The following ZNF462 variants were observed in gnomAD, a reference collection of about 807,000 sequenced individuals.
ZNF462 encodes zinc finger PBX1-interacting protein.
In ZNF462, 10 loss-of-function variants were observed where a neutral mutation model predicts 201.9. The observed-to-expected ratio is 0.05, with a 90% CI of 0.03 to 0.08. ZNF462 has a LOEUF of 0.08. Among genes scored for constraint, ZNF462 ranks in the 10% least tolerant of loss-of-function variants. The pLI, the probability that ZNF462 is intolerant of heterozygous loss-of-function variation, is 1.00. For synonymous variants in ZNF462, 1,227 were observed against 1,193.3 expected, an observed-to-expected ratio of 1.03 and a Z score of -0.58; for missense variants, 2,523 against 3,168.3, an observed-to-expected ratio of 0.80 and a Z score of 4.89.
chr9:106,981,265 A>C lies in ZNF462; in HGVS notation c.6833-2921A>C, dbSNP rs1009615399. 6.6e-6 allele frequency among the ~76,000 whole-genome samples: 1 copy of C among 152,240 alleles called. No homozygotes were observed. Among genetic ancestry groups the C allele is most frequent in the African/African-American group, 2.4e-5 (1 of 41,464 alleles). ...GAAGGTGCTTGAAAGACATTCAGAT[A>C]TAAAGGGTTACCTTAGAAATCTGTA... is the stretch of plus-strand genomic sequence containing the variant. On this transcript the variant is annotated intron_variant, in intron 9 of 12. Coordinates refer to ENST00000277225, the MANE Select transcript of ZNF462 (RefSeq NM_021224.6). The surrounding 1 kb of genome is among the most constrained non-coding windows in gnomAD (Gnocchi z 4.0).
At chr9:106,877,296 A>ATTTT (rs397893311) in intron 1 of ZNF462, among the ~76,000 whole-genome samples, 6 of 91,226 alleles carry the variant, frequency 6.6e-5, no homozygotes, top group South Asian at 3.9e-4. Context: ...ACTACTCATG[A>ATTTT]TTTTTTTTTT....
chr9:106,929,317 A>G lies in ZNF462; in HGVS notation c.5405A>G (p.Lys1802Arg), dbSNP rs1240376053. 1 of 1,614,186 alleles carries G rather than the reference A, an allele frequency of 6.2e-7. No homozygotes were observed. The highest frequency in any genetic ancestry group is 8.5e-7 in the Non-Finnish European group (1 of 1,180,036). ...GVFPKKQHASKLGGYFTAVYA... is the reference protein window; with the variant it reads ...GVFPKKQHASRLGGYFTAVYA... ...TTCCCAAAGAAGCAGCACGCCAGCAAGTTGGGGGGCTACTTCACGGCCGTC... is the reference window on the plus strand; with the variant it reads ...TTCCCAAAGAAGCAGCACGCCAGCAGGTTGGGGGGCTACTTCACGGCCGTC... The change falls in exon 3 of 13, where the codon AAG becomes AGG. Residue 1802 changes from lysine to arginine, a missense_variant. Coordinates refer to ENST00000277225, the MANE Select transcript of ZNF462 (RefSeq NM_021224.6). The surrounding 1 kb of genome is among the most constrained non-coding windows in gnomAD (Gnocchi z 8.7).
In ZNF462 at chr9:106,925,544, G is replaced by GCCA. The variant is rs754974115; in HGVS notation, c.1641_1643dup (p.Pro554dup). ...CCTTGCAGCAGCAACAGCCACCGCA[G>GCCA]CCACCACCACCGCCGCCGCCACCAC... On this transcript the variant is annotated inframe_insertion, in exon 3 of 13. Coordinates refer to ENST00000277225, the MANE Select transcript of ZNF462 (RefSeq NM_021224.6). The surrounding 1 kb of genome is among the most constrained non-coding windows in gnomAD (Gnocchi z 7.9). 3 of 1,612,914 alleles carry GCCA rather than the reference G, an allele frequency of 1.9e-6. No homozygotes were observed. The highest frequency in any genetic ancestry group is 2.7e-5 in the African/African-American group (2 of 74,818).
rs141903702 is a variant in ZNF462, at chr9:106,999,287, G to A, written c.7057-4007G>A. 1.3e-3 allele frequency among the ~76,000 whole-genome samples: 199 copies of A among 152,092 alleles called. 2 individuals carry two copies. The East Asian group carries it at 0.035, about 27-fold the overall frequency. On this transcript the variant is annotated intron_variant, in intron 10 of 12. Transcript: ENST00000277225. ...TTATTCAAATACCCACCAATCTCCG[G>A]GCCCAAAAAGTAGTGTAATCAGTTC...
chr9:107,007,142 A>G (rs972659168), intron 11 of ZNF462, among the ~76,000 whole-genome samples: 3 of 152,156 alleles, frequency 2.0e-5, no homozygotes, highest in Non-Finnish European at 4.4e-5. Flanking sequence ...GGATATTATT[A>G]TGGCTTTTTA....
At chr9:106,884,728 TTTTG>T (rs893272818) in intron 1 of ZNF462, among the ~76,000 whole-genome samples, 13 of 152,320 alleles carry the variant, frequency 8.5e-5, no homozygotes, top group South Asian at 2.1e-4. Flanking sequence ...TTTTTGGTTT[TTTTG>T]TTTGTTTGTT....
intron 9 of ZNF462, among the ~76,000 whole-genome samples, chr9:106,982,512 A>G (rs896054681): frequency 6.6e-6 from 1 of 152,218 alleles, no homozygotes; most frequent in Non-Finnish European, 1.5e-5. Context: ...ACACCAAACC[A>G]TACAACTGAA....
chr9:106,944,377 T>C (rs895553471), intron 7 of ZNF462, among the ~76,000 whole-genome samples: 3 of 152,206 alleles, frequency 2.0e-5, no homozygotes, highest in Non-Finnish European at 4.4e-5. Flanking sequence ...AAGAGACTCA[T>C]TTGGTGAGAC....
intron 10 of ZNF462, among the ~76,000 whole-genome samples, chr9:106,992,996 G>T (rs2132441192): frequency 6.6e-6 from 1 of 152,204 alleles, no homozygotes; most frequent in Middle Eastern, 3.4e-3. Context: ...AATAGACTTA[G>T]CAATTGGTTC....
Position 106,952,883 on chromosome 9 carries a change from G to A in ZNF462, c.6427+13776G>A, listed in dbSNP as rs76007388. 6.4e-3 allele frequency among the ~76,000 whole-genome samples: 978 copies of A among 152,274 alleles called. 9 individuals carry two copies. The highest frequency in any genetic ancestry group is 0.023 in the African/African-American group (941 of 41,558). On this transcript the variant is annotated intron_variant, in intron 7 of 12. Coordinates refer to ENST00000277225, the MANE Select transcript of ZNF462 (RefSeq NM_021224.6). ...AATAGGCTTAAGCAAGTTAAGTGGT[G>A]TGCCCTGGGTCATAGTTAAATCCAG...
In ZNF462 at chr9:106,923,710, G is replaced by A; in HGVS notation, c.220+107G>A. ...ATACGTGGCTTTTGCAGAGTTTCTTGTGCTTTGCTAGCCATTTTTGTGGTT... is the reference window on the plus strand; with the variant it reads ...ATACGTGGCTTTTGCAGAGTTTCTTATGCTTTGCTAGCCATTTTTGTGGTT... On this transcript the variant is annotated intron_variant, in intron 2 of 12. Coordinates refer to ENST00000277225, the MANE Select transcript of ZNF462 (RefSeq NM_021224.6). This position sits in a 1 kb window ranked among gnomAD's most constrained non-coding sequence, Gnocchi z 5.6. The A allele has an allele frequency of 4.3e-6, 5 of 1,150,976 alleles. No homozygotes were observed. The South Asian group carries it at 7.4e-5, about 17-fold the overall frequency. The allele number at this position is 1,150,976 out of a possible 1,614,324, so 71.3% of individuals were successfully genotyped here. A position where few individuals can be genotyped will look rare whatever the true frequency, so the allele number is the denominator to read the frequency against.
chr9:107,006,704 A>G lies in ZNF462; in HGVS notation c.7190-2841A>G, dbSNP rs572421489. Reference sequence around the variant, plus strand: ...TACCATGATGCCAGGGCTAAAGACTATGGGTTTGCGAAGGGGGCCCCAGTT... The same window carrying G: ...TACCATGATGCCAGGGCTAAAGACTGTGGGTTTGCGAAGGGGGCCCCAGTT... On this transcript the variant is annotated intron_variant, in intron 11 of 12. Coordinates refer to ENST00000277225, the MANE Select transcript of ZNF462 (RefSeq NM_021224.6). The surrounding 1 kb of genome is among the most constrained non-coding windows in gnomAD (Gnocchi z 4.3). 1.2e-4 allele frequency among the ~76,000 whole-genome samples: 19 copies of G among 152,226 alleles called. No individual in the cohort carries two copies. The highest frequency in any genetic ancestry group is 3.9e-4 in the East Asian group (2 of 5,172).
rs1272360560 is a variant in ZNF462 at position 107,013,129 on chromosome 9, AAAG to A, written c.*2102_*2104del. 1 of 151,570 alleles carries A rather than the reference AAAG, an allele frequency of 6.6e-6. No individual in the cohort carries two copies. The highest frequency in any genetic ancestry group is 6.6e-5 in the Admixed American group (1 of 15,240). 9.4% of individuals were successfully genotyped at this position (151,570 alleles called of 1,614,324 possible). A position where few individuals can be genotyped will look rare whatever the true frequency, so the allele number is the denominator to read the frequency against. On this transcript the variant is annotated 3_prime_UTR_variant, in exon 13 of 13. Coordinates refer to ENST00000277225, the MANE Select transcript of ZNF462 (RefSeq NM_021224.6). ...AAAAAGAAAGAAAAAGGAAAAAAAA[AAAG>A]AAAATAATTGTGACATGCTTTTATC...
chr9:106,869,430 A>C (rs1383777594), intron 1 of ZNF462, among the ~76,000 whole-genome samples: 1 of 152,264 alleles, frequency 6.6e-6, no homozygotes. Context: ...ACAGTCCTGT[A>C]AGGAAGGGTG....
At chr9:106,864,299 G>A (rs1827230512) in intron 1 of ZNF462, among the ~76,000 whole-genome samples, 1 of 151,796 alleles carries the variant, frequency 6.6e-6, no homozygotes, top group African/African-American at 2.4e-5. Context: ...GGTGGAGGAG[G>A]ACAACGGTTT....
At position 106,870,952 on chromosome 9, in the gene ZNF462, G is replaced by A. The variant is rs1010902045; in HGVS notation, c.-31+7597G>A. Among the ~76,000 whole-genome samples the A allele has an allele frequency of 6.6e-6, 1 of 152,128 alleles. No homozygotes were observed. Among genetic ancestry groups the A allele is most frequent in the African/African-American group, 2.4e-5 (1 of 41,424 alleles). On this transcript the variant is annotated intron_variant, in intron 1 of 12. Coordinates refer to ENST00000277225, the MANE Select transcript of ZNF462 (RefSeq NM_021224.6). This position sits in a 1 kb window ranked among gnomAD's most constrained non-coding sequence, Gnocchi z 4.3. ...AAGAAGGTAATGCCATTATTCTTCA[G>A]TTTTGCTCATGTCAGCTGAGTGTTT...
At chr9:106,897,901 A>C (rs1828878504) in intron 1 of ZNF462, among the ~76,000 whole-genome samples, 1 of 152,208 alleles carries the variant, frequency 6.6e-6, no homozygotes, top group South Asian at 2.1e-4. Context: ...GACTGAGGCT[A>C]AAGCCGTGCT....
intron 7 of ZNF462, among the ~76,000 whole-genome samples, chr9:106,955,328 T>C (rs548257334): frequency 6.6e-6 from 1 of 152,318 alleles, no homozygotes; most frequent in East Asian, 1.9e-4. Context: ...TACACTATAC[T>C]GTAGTTTACT....
upstream of ZNF462, chr9:106,863,028 A>C: frequency 5.2e-6 from 2 of 388,022 alleles, no homozygotes; most frequent in Non-Finnish European, 9.1e-6. Context: ...AGGGAGAGAG[A>C]GAGAGCGCGC....
Sources: allele counts gnomAD v4.1 joint callset (sites outside exome capture counted in the v4.1 genomes callset), GRCh38; gene constraint gnomAD v4.1.1; non-coding constraint Gnocchi (gnomAD v3.1); transcripts MANE v1.5; gene names NCBI Gene and HGNC (gene_info 2026-07-23, HGNC 2026-07-21).